Variants in AFF3 observed in about 807,000 individuals in gnomAD.
The protein encoded by AFF3 is ALF transcription elongation factor 3.
A neutral mutation model predicts 129.7 loss-of-function variants in AFF3; 32 were observed. The observed-to-expected ratio is 0.25, with a 90% CI of 0.19 to 0.33. The LOEUF is 0.33. Among genes scored for constraint, AFF3 ranks in the 10% least tolerant of loss-of-function variants. The probability of loss-of-function intolerance (pLI) is 1.00; values close to 1 mark genes in which losing one functional copy is unlikely to be tolerated. For missense variants in AFF3, 1,373 were observed against 1,592.0 expected, an observed-to-expected ratio of 0.86 and a Z score of 2.34; for synonymous variants, 644 against 635.4, an observed-to-expected ratio of 1.01 and a Z score of -0.20.
At position 100,007,037 on chromosome 2, in the gene AFF3, A is replaced by G. The variant is rs778334957; in HGVS notation, c.488-20T>C. On this transcript the variant is annotated intron_variant, in intron 6 of 24. Coordinates refer to ENST00000672756, the MANE Select transcript of AFF3 (RefSeq NM_001386135.1). ...GTTGTGCTGAGTTGGAAGAAGAAGA[A>G]GAGGAAGATAAGGATGAGGGGGGTC... is the stretch of plus-strand genomic sequence containing the variant. 1.3e-6 allele frequency: 2 copies of G among 1,595,124 alleles called. No individual in the cohort carries two copies. The highest frequency in any genetic ancestry group is 1.7e-6 in the Non-Finnish European group (2 of 1,169,552).
Position 100,008,948 on chromosome 2 carries a change from G to C in AFF3, c.54-16C>G, listed in dbSNP as rs1398049291. 1.2e-6 allele frequency: 2 copies of C among 1,613,052 alleles called. No homozygotes were observed. Among genetic ancestry groups the C allele is most frequent in the African/African-American group, 1.3e-5 (1 of 74,984 alleles). On this transcript the variant is annotated splice_polypyrimidine_tract_variant and intron_variant, in intron 4 of 24. Transcript: ENST00000672756. ...TTCATAGACACTGCATCAGGAAAAA[G>C]AAGAGAGAACAACCACACACACAAA... is the stretch of plus-strand genomic sequence containing the variant.
intron 7 of AFF3, among the ~76,000 whole-genome samples, chr2:99,842,378 T>C (rs571143973): frequency 2.6e-5 from 4 of 152,322 alleles, no homozygotes; most frequent in African/African-American, 4.8e-5. Flanking sequence ...AATAAAGTTA[T>C]TGCTTTCCTT....
intron 7 of AFF3, among the ~76,000 whole-genome samples, chr2:99,870,098 G>T (rs1410242503): frequency 6.6e-6 from 1 of 152,176 alleles, no homozygotes; most frequent in African/African-American, 2.4e-5. Context: ...CTCAACACCA[G>T]TGTCTGAACT....
chr2:99,600,878 A>G (rs771048284), intron 14 of AFF3, among the ~76,000 whole-genome samples: 1 of 60,456 alleles, frequency 1.7e-5, no homozygotes, highest in Admixed American at 1.7e-4. Flanking sequence ...CAGCTATAAA[A>G]GGTTTCATCA....
rs968296004 is a variant in AFF3, at chr2:99,943,104, A to C, written c.873+63528T>G. Among the ~76,000 whole-genome samples the C allele has an allele frequency of 1.4e-4, 21 of 152,150 alleles. 1 individual carries two copies. The highest frequency in any genetic ancestry group is 4.8e-4 in the African/African-American group (20 of 41,438). ...CTCACTAAAACACCATTCCTGTTCG[A>C]GGTTTGCCCAGTACCACAGTTCAAA... On this transcript the variant is annotated intron_variant, in intron 7 of 24. Transcript: ENST00000672756.
chr2:100,072,794 T>C (rs1031406546), intron 4 of AFF3, among the ~76,000 whole-genome samples: 1 of 152,188 alleles, frequency 6.6e-6, no homozygotes, highest in Non-Finnish European at 1.5e-5. Context: ...AATAACCTCA[T>C]TGCTGTTTCT....
intron 7 of AFF3, among the ~76,000 whole-genome samples, chr2:99,897,353 C>G (rs1327094012): frequency 2.0e-5 from 3 of 152,110 alleles, no homozygotes; most frequent in African/African-American, 4.8e-5. Flanking sequence ...GGCTCCCATT[C>G]TCTCCCCCTA....
chr2:99,693,003 G>C (rs1199975501), intron 11 of AFF3, among the ~76,000 whole-genome samples: 1 of 152,322 alleles, frequency 6.6e-6, no homozygotes, highest in South Asian at 2.1e-4. Context: ...GCCCTCTGCA[G>C]GGCAAACTGC....
intron 7 of AFF3, among the ~76,000 whole-genome samples, chr2:99,971,963 T>C (rs1678426772): frequency 6.6e-6 from 1 of 152,112 alleles, no homozygotes; most frequent in Non-Finnish European, 1.5e-5. Flanking sequence ...GTTTTAAAAA[T>C]AAAAGAAGGC....
chr2:99,720,632 T>C (rs1678806375), intron 11 of AFF3, among the ~76,000 whole-genome samples: 1 of 152,244 alleles, frequency 6.6e-6, no homozygotes. Context: ...TTGTATTTAA[T>C]GCAGTTACTA....
At chr2:99,725,627 G>T (rs1052098571) in intron 11 of AFF3, among the ~76,000 whole-genome samples, 17 of 152,298 alleles carry the variant, frequency 1.1e-4, no homozygotes, top group Admixed American at 9.8e-4. Context: ...ACTGAGCCTG[G>T]CTGGGAACGG....
chr2:99,637,837 TA>T (rs1433917363), intron 13 of AFF3, among the ~76,000 whole-genome samples: 1 of 152,234 alleles, frequency 6.6e-6, no homozygotes, highest in Non-Finnish European at 1.5e-5. Context: ...GATGTAAATT[TA>T]AATATAAGTT....
intron 7 of AFF3, among the ~76,000 whole-genome samples, chr2:99,917,078 G>A (rs931959403): frequency 6.6e-6 from 1 of 152,150 alleles, no homozygotes; most frequent in Non-Finnish European, 1.5e-5. Context: ...GTACAGGCAG[G>A]GTCCTGGCAA....
intron 7 of AFF3, among the ~76,000 whole-genome samples, chr2:99,961,435 C>T (rs1282424779): frequency 4.6e-5 from 7 of 152,204 alleles, no homozygotes; most frequent in Admixed American, 1.3e-4. Flanking sequence ...GGCAATTAAT[C>T]ACATTTTGCC....
intron 16 of AFF3, among the ~76,000 whole-genome samples, chr2:99,583,846 G>A (rs1241611609): frequency 1.3e-5 from 2 of 151,894 alleles, no homozygotes; most frequent in Non-Finnish European, 2.9e-5. Context: ...GGGATTACAG[G>A]TGCCTGCCAC....
At chr2:99,793,340 C>G (rs1216610417) in intron 8 of AFF3, among the ~76,000 whole-genome samples, 2 of 152,222 alleles carry the variant, frequency 1.3e-5, no homozygotes, top group African/African-American at 4.8e-5. Context: ...CTGCAGAACC[C>G]CGAGCCCAAA....
chr2:100,059,254 C>CAAAAAAAAAAAA (rs59005550), intron 4 of AFF3, among the ~76,000 whole-genome samples: 8 of 31,022 alleles, frequency 2.6e-4, no homozygotes, highest in Non-Finnish European at 3.6e-4. Context: ...ACTCTGTCTC[C>CAAAAAAAAAAAA]AAAAAAAAAA....
At chr2:99,585,919 C>T (rs990888162) in intron 16 of AFF3, among the ~76,000 whole-genome samples, 3 of 152,064 alleles carry the variant, frequency 2.0e-5, no homozygotes, top group Non-Finnish European at 4.4e-5. Context: ...TTAGTAGATA[C>T]GGGGTTTCAC....
At chr2:100,077,737 T>C (rs1233012074) in intron 4 of AFF3, among the ~76,000 whole-genome samples, 1 of 152,200 alleles carries the variant, frequency 6.6e-6, no homozygotes, top group Non-Finnish European at 1.5e-5. Context: ...CTACCAAGTA[T>C]CTGTTCCATT....
Sources: gnomAD v4.1 joint callset for allele counts (sites outside exome capture counted in the v4.1 genomes callset) on GRCh38, gnomAD v4.1.1 for gene constraint, MANE v1.5 for transcripts, NCBI Gene and HGNC (gene_info 2026-07-23, HGNC 2026-07-21) for gene names.